ABHD12: variants seen among roughly 807,000 people sequenced by gnomAD.
ABHD12 encodes lysophosphatidylserine lipase ABHD12.
A neutral mutation model predicts 58.3 loss-of-function variants in ABHD12; 43 were observed. The ratio of observed to expected loss-of-function variants is 0.74; its 90% CI spans 0.58 to 0.95. The LOEUF is 0.95. Among genes scored for constraint, ABHD12 ranks in the 40% least tolerant of loss-of-function variants. ABHD12 has a pLI of 0.00. For synonymous variants in ABHD12, 219 were observed against 211.2 expected, an observed-to-expected ratio of 1.04 and a Z score of -0.32; for missense variants, 539 against 537.2, an observed-to-expected ratio of 1.00 and a Z score of -0.03.
At chr20:25,347,837 A>G (rs953645207) in intron 1 of ABHD12, among the ~76,000 whole-genome samples, 2 of 151,948 alleles carry the variant, frequency 1.3e-5, no homozygotes, top group Non-Finnish European at 2.9e-5. Context: ...CTTGAAAGGC[A>G]TATCAGAAAA....
At chr20:25,297,537 C>A (rs1262557758), downstream of ABHD12, 1 of 152,292 alleles carries the variant, frequency 6.6e-6, no homozygotes, top group Non-Finnish European at 1.5e-5. Context: ...GACCAGGGGT[C>A]CCGGAGGAAC....
chr20:25,365,077 C>T (rs148438968), intron 1 of ABHD12, among the ~76,000 whole-genome samples: 1 of 152,344 alleles, frequency 6.6e-6, no homozygotes, highest in Non-Finnish European at 1.5e-5. Flanking sequence ...ATGTGGCTGG[C>T]TGCTGGTACA....
chr20:25,303,015 G>A (rs964211145), intron 11 of ABHD12, among the ~76,000 whole-genome samples: 1 of 152,224 alleles, frequency 6.6e-6, no homozygotes, highest in Non-Finnish European at 1.5e-5. Flanking sequence ...GACAGTCAAA[G>A]CAAATTCAGC....
chr20:25,345,637 C>T (rs79990503), intron 1 of ABHD12, among the ~76,000 whole-genome samples: 1,907 of 152,160 alleles, frequency 0.013, 43 homozygotes, highest in African/African-American at 0.041. Context: ...GAGCAAAGGA[C>T]CTGAACAGAC....
intron 1 of ABHD12, among the ~76,000 whole-genome samples, chr20:25,374,611 A>C (rs1333275451): frequency 6.6e-6 from 1 of 152,104 alleles, no homozygotes. Flanking sequence ...CTCCTGCCTC[A>C]GCCTCCCGAG....
At chr20:25,358,857 T>C (rs2089702733) in intron 1 of ABHD12, among the ~76,000 whole-genome samples, 1 of 152,158 alleles carries the variant, frequency 6.6e-6, no homozygotes, top group Admixed American at 6.5e-5. Flanking sequence ...TTCAAAGCAA[T>C]GCCATCTCTA....
At chr20:25,375,105 AC>A (rs1301771398) in intron 1 of ABHD12, among the ~76,000 whole-genome samples, 1 of 152,210 alleles carries the variant, frequency 6.6e-6, no homozygotes, top group Non-Finnish European at 1.5e-5. Flanking sequence ...AGAGCCACAC[AC>A]AGAGGTTAGA....
intron 1 of ABHD12, among the ~76,000 whole-genome samples, chr20:25,340,625 G>A (rs954371920): frequency 2.6e-5 from 4 of 152,170 alleles, no homozygotes; most frequent in Non-Finnish European, 4.4e-5. Flanking sequence ...AAACCTAGTG[G>A]GACAAGCTAT....
At chr20:25,295,698 G>T (rs2088531113), downstream of ABHD12, 1 of 1,586,004 alleles carries the variant, frequency 6.3e-7, no homozygotes, top group Admixed American at 1.7e-5. Context: ...AGAGGCTAGG[G>T]GAGCAGCTGG....
chr20:25,381,306 A>G (rs141898714), intron 1 of ABHD12, among the ~76,000 whole-genome samples: 156 of 152,294 alleles, frequency 1.0e-3, no homozygotes, highest in Non-Finnish European at 1.9e-3. Flanking sequence ...CCCTAAGCAC[A>G]TGACATCATG....
Position 25,390,572 on chromosome 20 carries a change from G to T in ABHD12, c.132C>A (p.Gly44=). ...CRLKQNLRLT[G]PAAAEPRCAA... is the part of the protein sequence containing the mutation. ...CGCAGCGCGGCTCAGCCGCCGCCGG[G>T]CCCGTCAGGCGTAGGTTCTGCTTCA... The change falls in exon 1 of 13, where the codon GGC becomes GGA. Residue 44 remains glycine (G), a synonymous_variant. Transcript: ENST00000339157. 6.8e-7 allele frequency: 1 copy of T among 1,471,192 alleles called. No individual in the cohort carries two copies. Among genetic ancestry groups the T allele is most frequent in the Non-Finnish European group, 9.0e-7 (1 of 1,117,042 alleles). The allele number at this position is 1,471,192 out of a possible 1,614,324, so 91.1% of individuals were successfully genotyped here. A position where few individuals can be genotyped will look rare whatever the true frequency, so the allele number is the denominator to read the frequency against.
intron 1 of ABHD12, among the ~76,000 whole-genome samples, chr20:25,367,866 AT>A (rs778996491): frequency 1.8e-4 from 27 of 152,348 alleles, no homozygotes; most frequent in Non-Finnish European, 3.2e-4. Context: ...GGGTGTACAA[AT>A]AAATGGCTCT....
Position 25,300,396 on chromosome 20 carries a change from G to A in ABHD12, c.*449C>T. ...GTACACAGGGCAGGAGGGGACGATG[G>A]AACCACTGGAGTCATTCTGCATGTG... is the stretch of plus-strand genomic sequence containing the variant. On this transcript the variant is annotated 3_prime_UTR_variant, in exon 13 of 13. Coordinates refer to ENST00000339157, the MANE Select transcript of ABHD12 (RefSeq NM_001042472.3). 1.8e-6 allele frequency: 2 copies of A among 1,125,900 alleles called. No homozygotes were observed. Among genetic ancestry groups the A allele is most frequent in the Non-Finnish European group, 2.2e-6 (2 of 909,932 alleles). The allele number at this position is 1,125,900 out of a possible 1,614,324, so 69.7% of individuals were successfully genotyped here.
intron 2 of ABHD12, among the ~76,000 whole-genome samples, chr20:25,337,644 C>T (rs1362099596): frequency 6.6e-6 from 1 of 152,240 alleles, no homozygotes; most frequent in African/African-American, 2.4e-5. Context: ...ATGTGCCTGG[C>T]AGCAAAGGCA....
At chr20:25,343,755 A>G (rs1346862678) in intron 1 of ABHD12, among the ~76,000 whole-genome samples, 1 of 152,194 alleles carries the variant, frequency 6.6e-6, no homozygotes, top group Non-Finnish European at 1.5e-5. Context: ...AGATCGCACC[A>G]CTGCACTCCA....
intron 2 of ABHD12, among the ~76,000 whole-genome samples, chr20:25,336,667 CACATT>C (rs1373545374): frequency 1.3e-5 from 2 of 152,212 alleles, no homozygotes; most frequent in African/African-American, 2.4e-5. Context: ...ACCTTGGACG[CACATT>C]ACAACTGGAA....
intron 5 of ABHD12, 136 bp from the exon 6 acceptor site, chr20:25,315,106 T>C (rs987149440): frequency 6.2e-5 from 57 of 914,424 alleles, no homozygotes; most frequent in Non-Finnish European, 9.3e-5. Context: ...GACTGTGACA[T>C]GCTGCCTGAC....
At chr20:25,337,661 CA>C (rs2089395427) in intron 2 of ABHD12, among the ~76,000 whole-genome samples, 2 of 152,236 alleles carry the variant, frequency 1.3e-5, no homozygotes, top group African/African-American at 4.8e-5. Context: ...GGCACCTGCC[CA>C]AGGGGGCCAG....
chr20:25,376,125 A>AAAT (rs374119522), intron 1 of ABHD12, among the ~76,000 whole-genome samples: 1,810 of 151,958 alleles, frequency 0.012, 34 homozygotes, highest in African/African-American at 0.038. Context: ...CTGTCTCAAA[A>AAAT]AATAATAATA....
Sources: gnomAD v4.1 joint callset for allele counts (sites outside exome capture counted in the v4.1 genomes callset) on GRCh38, gnomAD v4.1.1 for gene constraint, MANE v1.5 for transcripts, NCBI Gene and HGNC (gene_info 2026-07-23, HGNC 2026-07-21) for gene names.